The following AFAP1L2 variants were observed in gnomAD, a reference collection of about 807,000 sequenced individuals.
The protein encoded by AFAP1L2 is actin filament associated protein 1 like 2, also known as actin filament-associated protein 1-like 2.
In AFAP1L2, 46 loss-of-function variants were observed where a neutral mutation model predicts 99.3. The observed-to-expected ratio is 0.46, with a 90% CI of 0.37 to 0.59. AFAP1L2 has a LOEUF of 0.59. Ranked by LOEUF, AFAP1L2 falls within the 20% of genes least tolerant of loss-of-function variation. The pLI is 0.00. For synonymous variants in AFAP1L2, 397 were observed against 419.1 expected, an observed-to-expected ratio of 0.95 and a Z score of 0.64; for missense variants, 959 against 1,034.9, an observed-to-expected ratio of 0.93 and a Z score of 1.01.
intron 2 of AFAP1L2, among the ~76,000 whole-genome samples, chr10:114,338,207 T>A (rs2048274327): frequency 6.6e-6 from 1 of 152,158 alleles, no homozygotes. Context: ...GCCTGGCAGA[T>A]TCAGGTTGGA....
chr10:114,310,951 C>T (rs1363991090), intron 7 of AFAP1L2, among the ~76,000 whole-genome samples: 11 of 51,800 alleles, frequency 2.1e-4, no homozygotes, highest in Admixed American at 5.3e-4. Flanking sequence ...ACTCGCCTGC[C>T]GCCACCCACC....
intron 5 of AFAP1L2, among the ~76,000 whole-genome samples, chr10:114,320,265 A>C (rs1385175161): frequency 3.3e-5 from 5 of 152,212 alleles, no homozygotes; most frequent in Non-Finnish European, 7.4e-5. Context: ...GCTCAGAGAG[A>C]GGGACATGAC....
chr10:114,376,866 G>T (rs1289537425), intron 1 of AFAP1L2, among the ~76,000 whole-genome samples: 1 of 152,174 alleles, frequency 6.6e-6, no homozygotes. Context: ...ATCAGCTAGA[G>T]ACTGAGAAAC....
At chr10:114,311,480 C>T (rs2043225168) in intron 7 of AFAP1L2, among the ~76,000 whole-genome samples, 1 of 152,214 alleles carries the variant, frequency 6.6e-6, no homozygotes, top group African/African-American at 2.4e-5. Flanking sequence ...ATATGCAACC[C>T]AGTGTCATAG....
In AFAP1L2 at chr10:114,314,754, G is replaced by A. The variant is rs78762551; in HGVS notation, c.613-704C>T. On this transcript the variant is annotated intron_variant, in intron 6 of 18. Coordinates refer to ENST00000304129, the MANE Select transcript of AFAP1L2 (RefSeq NM_001001936.3). ...GAAACAGGACTGTTGTCAGAGTAATGTCTGGTTCCTTGCTGGGTCTGGTCT... is the reference window on the plus strand; with the variant it reads ...GAAACAGGACTGTTGTCAGAGTAATATCTGGTTCCTTGCTGGGTCTGGTCT... Among the ~76,000 whole-genome samples, 659 of 152,122 alleles carry A rather than the reference G, an allele frequency of 4.3e-3. 6 individuals are homozygous for A. Among genetic ancestry groups the A allele is most frequent in the African/African-American group, 0.015 (631 of 41,562 alleles).
In AFAP1L2 at chr10:114,331,900, G is replaced by A; in HGVS notation, c.221-3C>T. Reference sequence around the variant, plus strand: ...TAGCAGGCCCTGCTCCTCAGGCGCTGCGGGCAGCAAAAGGAAAAGGCTTCG... The same window carrying A: ...TAGCAGGCCCTGCTCCTCAGGCGCTACGGGCAGCAAAAGGAAAAGGCTTCG... On this transcript the variant is annotated splice_polypyrimidine_tract_variant and splice_region_variant and intron_variant, in intron 3 of 18. Coordinates refer to ENST00000304129, the MANE Select transcript of AFAP1L2 (RefSeq NM_001001936.3). 1 of 1,299,302 alleles carries A rather than the reference G, an allele frequency of 7.7e-7. No homozygotes were observed. The highest frequency in any genetic ancestry group is 3.1e-5 in the East Asian group (1 of 32,176). The allele number at this position is 1,299,302 out of a possible 1,614,324, so 80.5% of individuals were successfully genotyped here. A position where few individuals can be genotyped will look rare whatever the true frequency, so the allele number is the denominator to read the frequency against.
chr10:114,352,232 G>A lies in AFAP1L2; in HGVS notation c.17-11501C>T, dbSNP rs558880851. Among the ~76,000 whole-genome samples the A allele has an allele frequency of 8.5e-5, 13 of 152,232 alleles. No individual in the cohort carries two copies. The South Asian group carries it at 2.7e-3, about 32-fold the overall frequency. On this transcript the variant is annotated intron_variant, in intron 1 of 18. Transcript: ENST00000304129. ...CACACCTGTAATCCCAGCACTTTGG[G>A]CGGCCAAGGAAGGCAGATCACCTGA...
At chr10:114,388,451 C>T (rs912471423) in intron 1 of AFAP1L2, among the ~76,000 whole-genome samples, 2 of 152,192 alleles carry the variant, frequency 1.3e-5, no homozygotes, top group African/African-American at 4.8e-5. Flanking sequence ...CCACCCCCCA[C>T]CATCACCAAG....
In AFAP1L2 at chr10:114,369,195, G is replaced by C. The variant is rs371109077; in HGVS notation, c.17-28464C>G. On this transcript the variant is annotated intron_variant, in intron 1 of 18. Coordinates refer to ENST00000304129, the MANE Select transcript of AFAP1L2 (RefSeq NM_001001936.3). ...TTATTGGCTGGGTGTAGTAACTCAC[G>C]CTTGTAATCCCAGCACTTTGAGAGG... Among the ~76,000 whole-genome samples the C allele has an allele frequency of 2.0e-4, 31 of 152,186 alleles. No individual in the cohort carries two copies. The South Asian group carries it at 6.2e-3, about 31-fold the overall frequency.
At chr10:114,315,456 C>T in intron 6 of AFAP1L2, 104 bp downstream of exon 6, 1 of 1,200,970 alleles carries the variant, frequency 8.3e-7, no homozygotes, top group Non-Finnish European at 1.2e-6. Context: ...CATAAACAAG[C>T]TCGAAACCTC....
rs540814927 is a variant in AFAP1L2 at position 114,325,750 on chromosome 10, C to G, written c.316-2489G>C. Reference sequence around the variant, plus strand: ...TGCCAGCCCCAGCCTGGTACAAGATCTTTGCTCTCTCAGCCTTTCCTGGTC... The same window carrying G: ...TGCCAGCCCCAGCCTGGTACAAGATGTTTGCTCTCTCAGCCTTTCCTGGTC... On this transcript the variant is annotated intron_variant, in intron 4 of 18. Coordinates refer to ENST00000304129, the MANE Select transcript of AFAP1L2 (RefSeq NM_001001936.3). 86 of 892,328 alleles carry G rather than the reference C, an allele frequency of 9.6e-5. No individual in the cohort carries two copies. In the South Asian group the frequency reaches 1.3e-3, roughly 13 times the overall value. 55.3% of individuals were successfully genotyped at this position (892,328 alleles called of 1,614,324 possible).
rs889639349 is a variant in AFAP1L2 at position 114,295,560 on chromosome 10, G to GGAGA, written c.*478_*481dup. On this transcript the variant is annotated 3_prime_UTR_variant, in exon 19 of 19. Coordinates refer to ENST00000304129, the MANE Select transcript of AFAP1L2 (RefSeq NM_001001936.3). ...AGACTGAGTTGGGCCTGGTAATATT[G>GGAGA]GAGAGAACTGAAGGCAAGGATGGTT... 1.9e-5 allele frequency: 19 copies of GGAGA among 986,244 alleles called. No homozygotes were observed. The highest frequency in any genetic ancestry group is 2.2e-5 in the Non-Finnish European group (18 of 830,658). 61.1% of individuals were successfully genotyped at this position (986,244 alleles called of 1,614,324 possible).
the AFAP1L2 span, chr10:114,289,712 A>C: frequency 3.4e-6 from 2 of 580,388 alleles, no homozygotes; most frequent in South Asian, 2.1e-5. Flanking sequence ...AACATAGATA[A>C]CTCCCCCCAA....
At chr10:114,289,655 T>C in the AFAP1L2 span, 3 of 707,994 alleles carry the variant, frequency 4.2e-6, no homozygotes, top group South Asian at 3.6e-5. Flanking sequence ...AATCCTACAG[T>C]AGGCATAACC....
rs142552824 is a variant in AFAP1L2 at position 114,323,226 on chromosome 10, C to A, written c.351G>T (p.Thr117=). The change falls in exon 5 of 19, where the codon ACG becomes ACT. Residue 117 remains threonine (T), a synonymous_variant. Transcript: ENST00000304129. ...PERKQLAIPK[T]ESPEGYYEEA... The stretch of plus-strand genomic sequence containing the variant: ...CTTCATAGTAGCCCTCTGGAGACTC[C>A]GTCTTTGGGATGGCAAGCTGTTTCC... 1 of 1,602,076 alleles carries A rather than the reference C, an allele frequency of 6.2e-7. No homozygotes were observed. Among genetic ancestry groups the A allele is most frequent in the Admixed American group, 1.7e-5 (1 of 58,754 alleles).
Position 114,304,892 on chromosome 10 carries a change from G to T in AFAP1L2, c.1111C>A (p.Arg371Ser), listed in dbSNP as rs1260496195. 8 of 1,613,368 alleles carry T rather than the reference G, an allele frequency of 5.0e-6. No individual in the cohort carries two copies. Among genetic ancestry groups the T allele is most frequent in the Non-Finnish European group, 6.8e-6 (8 of 1,180,012 alleles). ...NVLVNSQWKS[R>S]WCSVRDNHLH... The stretch of plus-strand genomic sequence containing the variant: ...TGATTGTCCCTGACAGAGCACCAGC[G>T]AGACTTCCACTGGCTGTTCACCAGC... Residue 371 changes from arginine (R) to serine (S), a missense_variant, in exon 11 of 19, where the codon CGC becomes AGC. This residue lies in a region of AFAP1L2 where 383 missense variants were observed against 472.8 expected (regional missense o/e 0.81). Coordinates refer to ENST00000304129, the MANE Select transcript of AFAP1L2 (RefSeq NM_001001936.3).
intron 1 of AFAP1L2, among the ~76,000 whole-genome samples, chr10:114,383,105 G>T (rs560799077): frequency 6.6e-6 from 1 of 152,290 alleles, no homozygotes; most frequent in Admixed American, 6.5e-5. Context: ...ACAGTGGTAT[G>T]CTCTGTTTGG....
At chr10:114,363,623 T>C (rs1220802791) in intron 1 of AFAP1L2, among the ~76,000 whole-genome samples, 2 of 152,206 alleles carry the variant, frequency 1.3e-5, no homozygotes, top group African/African-American at 2.4e-5. Flanking sequence ...CCTAACGTTA[T>C]AGATGAAACA....
At chr10:114,350,806 C>G (rs1442313424) in intron 1 of AFAP1L2, among the ~76,000 whole-genome samples, 1 of 152,148 alleles carries the variant, frequency 6.6e-6, no homozygotes, top group Admixed American at 6.5e-5. Flanking sequence ...GAAAGAAACC[C>G]GACCCCTGAG....
Sources: allele counts gnomAD v4.1 joint callset (sites outside exome capture counted in the v4.1 genomes callset), GRCh38; gene constraint gnomAD v4.1.1; regional missense constraint gnomAD v4.1.1; transcripts MANE v1.5; gene names NCBI Gene and HGNC (gene_info 2026-07-23, HGNC 2026-07-21).